Variants in CTBP2 observed in about 807,000 individuals in gnomAD.
CTBP2 encodes C-terminal binding protein 2.
Under a neutral mutation model 80.3 loss-of-function variants are expected in CTBP2, and 30 were observed. The ratio of observed to expected loss-of-function variants is 0.37; its 90% CI spans 0.28 to 0.51. CTBP2 has a LOEUF of 0.51. Ranked by LOEUF, CTBP2 falls within the 20% of genes least tolerant of loss-of-function variation. CTBP2 has a pLI of 0.93. For missense variants in CTBP2, 1,212 were observed against 1,375.3 expected (o/e 0.88, Z 1.88); for synonymous variants, 594 against 587.4 (o/e 1.01, Z -0.16).
upstream of CTBP2, among the ~76,000 whole-genome samples, chr10:125,031,134 C>G (rs981669003): frequency 2.6e-5 from 4 of 152,170 alleles, no homozygotes; most frequent in African/African-American, 7.2e-5. Context: ...ATGTGGACAG[C>G]CTGTGCTGGA....
At chr10:124,990,210 A>G (rs1054384024) in intron 8 of CTBP2, among the ~76,000 whole-genome samples, 2 of 151,698 alleles carry the variant, frequency 1.3e-5, no homozygotes, top group Admixed American at 1.3e-4. Flanking sequence ...ACACCCGGCT[A>G]ATTTTTATAT....
At chr10:125,039,255 G>C in intron 2 of CTBP2, 100 bp from the exon 3 acceptor site, 1 of 509,498 alleles carries the variant, frequency 2.0e-6, no homozygotes, top group Non-Finnish European at 3.5e-6. Context: ...AAGGGAACCT[G>C]CCATGCGGAC....
chr10:125,114,722 G>A (rs1348128721), intron 1 of CTBP2, among the ~76,000 whole-genome samples: 2 of 152,124 alleles, frequency 1.3e-5, no homozygotes, highest in Admixed American at 6.5e-5. Context: ...GACTGGGCCT[G>A]CCTTCACTTG....
At chr10:125,094,162 C>T (rs1021772780) in intron 2 of CTBP2, among the ~76,000 whole-genome samples, 7 of 152,182 alleles carry the variant, frequency 4.6e-5, no homozygotes, top group African/African-American at 1.2e-4. Flanking sequence ...CGGTAAGTTA[C>T]GCCTGGTGCT....
intron 1 of CTBP2, among the ~76,000 whole-genome samples, chr10:125,010,725 A>G (rs577191269): frequency 6.6e-6 from 1 of 152,352 alleles, no homozygotes; most frequent in African/African-American, 2.4e-5. Context: ...GGAAGACAGC[A>G]TGAGGAGAGA....
At chr10:125,096,032 G>T (rs147632869) in intron 2 of CTBP2, among the ~76,000 whole-genome samples, 1 of 152,150 alleles carries the variant, frequency 6.6e-6, no homozygotes, top group African/African-American at 2.4e-5. Flanking sequence ...GGAAGGGAGC[G>T]CAGGGAGTGG....
At chr10:125,016,431 C>T (rs910940267) in intron 1 of CTBP2, among the ~76,000 whole-genome samples, 1 of 152,224 alleles carries the variant, frequency 6.6e-6, no homozygotes, top group Non-Finnish European at 1.5e-5. Flanking sequence ...GAGAAATGAA[C>T]AACACGTCCT....
intron 1 of CTBP2, among the ~76,000 whole-genome samples, chr10:125,009,382 C>G (rs1281321961): frequency 6.6e-6 from 1 of 152,146 alleles, no homozygotes; most frequent in Admixed American, 6.5e-5. Flanking sequence ...AAAGAGGAGA[C>G]AAAACCACAC....
chr10:125,153,437 C>A (rs916981312), intron 1 of CTBP2, among the ~76,000 whole-genome samples: 3 of 152,194 alleles, frequency 2.0e-5, no homozygotes, highest in Non-Finnish European at 2.9e-5. Context: ...CTAGACTGCA[C>A]GAAAGACCAT....
intron 2 of CTBP2, among the ~76,000 whole-genome samples, chr10:125,075,822 C>A (rs775073272): frequency 2.0e-5 from 3 of 152,192 alleles, no homozygotes; most frequent in Non-Finnish European, 4.4e-5. Context: ...AACTCCCATG[C>A]GCAGCTGGCA....
At chr10:125,082,717 A>C (rs1008936742) in intron 2 of CTBP2, among the ~76,000 whole-genome samples, 6 of 151,286 alleles carry the variant, frequency 4.0e-5, no homozygotes, top group Non-Finnish European at 5.9e-5. Flanking sequence ...CCTCCTGAGT[A>C]GCTGCGACCA....
At position 124,987,105 on chromosome 10, in the gene CTBP2, G is replaced by C. The variant is rs1248029718; in HGVS notation, c.*2413C>G. 1 of 152,602 alleles carries C rather than the reference G, an allele frequency of 6.6e-6. No homozygotes were observed. Among genetic ancestry groups the C allele is most frequent in the Non-Finnish European group, 1.5e-5 (1 of 68,042 alleles). 9.5% of individuals were successfully genotyped at this position (152,602 alleles called of 1,614,324 possible). A position where few individuals can be genotyped will look rare whatever the true frequency, so the allele number is the denominator to read the frequency against. On this transcript the variant is annotated 3_prime_UTR_variant, in exon 9 of 9. Transcript: ENST00000309035. ...AATGGGGCTCTAAATGGTTTTCATA[G>C]ACTGGCTGTTAAAGGCCAAAAATTT...
chr10:125,071,035 T>C (rs1471011412), intron 2 of CTBP2, among the ~76,000 whole-genome samples: 3 of 152,248 alleles, frequency 2.0e-5, no homozygotes, highest in Non-Finnish European at 4.4e-5. Context: ...TATGCGGTGA[T>C]TGCTTCCCTC....
chr10:125,015,805 TGTTGCCAGAGGAATC>T (rs1956418842), intron 1 of CTBP2, among the ~76,000 whole-genome samples: 1 of 152,168 alleles, frequency 6.6e-6, no homozygotes, highest in South Asian at 2.1e-4. Context: ...AAGTACGAAT[TGTTGCCAGAGGAATC>T]TGGCAGAGCG....
chr10:124,992,647 G>T (rs761680341), intron 8 of CTBP2, 48 bp downstream of exon 10: 31 of 784,336 alleles, frequency 4.0e-5, no homozygotes, highest in Non-Finnish European at 4.6e-5. Context: ...CCCTGGCCCC[G>T]GGGCCGTGGT....
At chr10:125,035,696 T>C (rs1377273048) in intron 3 of CTBP2, among the ~76,000 whole-genome samples, 1 of 152,214 alleles carries the variant, frequency 6.6e-6, no homozygotes, top group African/African-American at 2.4e-5. Context: ...TGAGTGATTG[T>C]TAGCTAGCCC....
At chr10:125,126,079 G>A (rs1458610193) in intron 1 of CTBP2, among the ~76,000 whole-genome samples, 2 of 152,230 alleles carry the variant, frequency 1.3e-5, no homozygotes, top group Non-Finnish European at 2.9e-5. Flanking sequence ...GAGGAGCCCA[G>A]GGCTCTGGCC....
intron 2 of CTBP2, among the ~76,000 whole-genome samples, chr10:125,048,776 G>A (rs1961912490): frequency 6.6e-6 from 1 of 152,198 alleles, no homozygotes; most frequent in South Asian, 2.1e-4. Flanking sequence ...GGAGGGGCCG[G>A]CTGGGCTGCT....
intron 1 of CTBP2, among the ~76,000 whole-genome samples, chr10:125,010,991 G>A (rs574891811): frequency 4.4e-4 from 67 of 152,312 alleles, no homozygotes; most frequent in African/African-American, 1.5e-3. Context: ...TCTTACTTGT[G>A]AACAATTTAA....
Sources: gnomAD v4.1 joint callset for allele counts (sites outside exome capture counted in the v4.1 genomes callset) on GRCh38, gnomAD v4.1.1 for gene constraint, MANE v1.5 for transcripts, NCBI Gene and HGNC (gene_info 2026-07-23, HGNC 2026-07-21) for gene names.